SLC24A2: variants seen among roughly 807,000 people sequenced by gnomAD.
SLC24A2 encodes sodium/potassium/calcium exchanger 2.
SLC24A2 carries 36 observed loss-of-function variants against 62.0 expected under a neutral mutation model. The observed-to-expected ratio is 0.58, with a 90% CI of 0.44 to 0.77. SLC24A2 has a LOEUF of 0.77. SLC24A2 is among the 30% of genes least tolerant of loss of function. SLC24A2 has a pLI of 0.00. For synonymous variants in SLC24A2, 358 were observed against 294.0 expected (o/e 1.22, Z -2.23); for missense variants, 846 against 817.9 (o/e 1.03, Z -0.42).
chr9:19,997,656 C>T, the SLC24A2 span, among the ~76,000 whole-genome samples: 1 of 152,120 alleles, frequency 6.6e-6, no homozygotes, highest in Non-Finnish European at 1.5e-5. Flanking sequence ...AATGATTCCA[C>T]TCATGAAAAA....
At chr9:19,936,170 C>T in the SLC24A2 span, among the ~76,000 whole-genome samples, 1 of 152,176 alleles carries the variant, frequency 6.6e-6, no homozygotes, top group Middle Eastern at 3.4e-3. Context: ...GTATTACCAT[C>T]CTTTATATTT....
intron 2 of SLC24A2, among the ~76,000 whole-genome samples, chr9:19,777,231 T>G (rs1313229655): frequency 6.6e-6 from 1 of 152,084 alleles, no homozygotes; most frequent in Non-Finnish European, 1.5e-5. Context: ...AAAAGAAAAA[T>G]GTCATTCTTC....
At chr9:19,590,574 C>CGTAGA (rs1261155143) in intron 5 of SLC24A2, among the ~76,000 whole-genome samples, 10 of 152,176 alleles carry the variant, frequency 6.6e-5, no homozygotes, top group Non-Finnish European at 1.2e-4. Context: ...CCTGGTCTCC[C>CGTAGA]TCCATTCATT....
chr9:20,258,474 G>A, the SLC24A2 span, among the ~76,000 whole-genome samples: 2 of 152,102 alleles, frequency 1.3e-5, no homozygotes, highest in African/African-American at 2.4e-5. Context: ...AACAACTGGG[G>A]GTCTGGATGG....
the SLC24A2 span, among the ~76,000 whole-genome samples, chr9:20,057,472 C>T: frequency 6.6e-6 from 1 of 152,146 alleles, no homozygotes; most frequent in Non-Finnish European, 1.5e-5. Context: ...TGTGAGATGG[C>T]TGGTCAGAGT....
At chr9:19,940,986 T>C in the SLC24A2 span, among the ~76,000 whole-genome samples, 1 of 152,160 alleles carries the variant, frequency 6.6e-6, no homozygotes, top group Non-Finnish European at 1.5e-5. Context: ...TGTGTTCTGG[T>C]CAATAACGCA....
At chr9:19,931,075 A>G in the SLC24A2 span, among the ~76,000 whole-genome samples, 3 of 152,348 alleles carry the variant, frequency 2.0e-5, no homozygotes, top group Non-Finnish European at 4.4e-5. Context: ...ATAGAATGTT[A>G]CTTAAAAGGG....
intron 2 of SLC24A2, among the ~76,000 whole-genome samples, chr9:19,685,552 C>G (rs1238962668): frequency 6.6e-6 from 1 of 151,924 alleles, no homozygotes; most frequent in Non-Finnish European, 1.5e-5. Context: ...GGTACTGATA[C>G]AAAAACACAT....
intron 2 of SLC24A2, among the ~76,000 whole-genome samples, chr9:19,704,639 G>A (rs1241946246): frequency 6.6e-6 from 1 of 152,102 alleles, no homozygotes; most frequent in Non-Finnish European, 1.5e-5. Flanking sequence ...GGCTGAACTG[G>A]AAGAAAACAA....
the SLC24A2 span, among the ~76,000 whole-genome samples, chr9:19,908,567 A>C: frequency 6.6e-6 from 1 of 152,246 alleles, no homozygotes; most frequent in Non-Finnish European, 1.5e-5. Context: ...AATGAGAGAA[A>C]ATTTTTGCAA....
the SLC24A2 span, among the ~76,000 whole-genome samples, chr9:20,160,579 C>G: frequency 6.6e-6 from 1 of 151,114 alleles, no homozygotes; most frequent in African/African-American, 2.4e-5. Context: ...ATGAACAAAA[C>G]TGGTTAATTT....
At chr9:19,995,070 A>G in the SLC24A2 span, among the ~76,000 whole-genome samples, 1 of 113,714 alleles carries the variant, frequency 8.8e-6, no homozygotes, top group Non-Finnish European at 1.8e-5. Flanking sequence ...GGTAGTTAAT[A>G]TCTCAGGCCT....
At chr9:19,993,233 C>T in the SLC24A2 span, among the ~76,000 whole-genome samples, 6 of 152,158 alleles carry the variant, frequency 3.9e-5, no homozygotes, top group East Asian at 1.2e-3. Flanking sequence ...TATAATACTT[C>T]CAGCAGAATT....
chr9:20,046,597 C>T, the SLC24A2 span, among the ~76,000 whole-genome samples: 4 of 151,986 alleles, frequency 2.6e-5, no homozygotes, highest in African/African-American at 4.8e-5. Flanking sequence ...ACAATGTGTT[C>T]GGGGGGCAGT....
chr9:20,234,978 T>C, the SLC24A2 span, among the ~76,000 whole-genome samples: 12 of 152,226 alleles, frequency 7.9e-5, no homozygotes, highest in Non-Finnish European at 4.4e-5. Flanking sequence ...TGTTGGAGTT[T>C]GCCAGAGATC....
At chr9:20,063,658 AT>A in the SLC24A2 span, among the ~76,000 whole-genome samples, 1 of 152,296 alleles carries the variant, frequency 6.6e-6, no homozygotes, top group African/African-American at 2.4e-5. Flanking sequence ...AAAAATAAAA[AT>A]AAAAGACTTG....
the SLC24A2 span, among the ~76,000 whole-genome samples, chr9:20,157,180 A>G: frequency 6.6e-6 from 1 of 151,676 alleles, no homozygotes; most frequent in Admixed American, 6.6e-5. Flanking sequence ...TTGTTAAACC[A>G]TAGGAGTGTT....
At chr9:19,602,282 A>G (rs1359936129) in intron 4 of SLC24A2, among the ~76,000 whole-genome samples, 1 of 152,188 alleles carries the variant, frequency 6.6e-6, no homozygotes, top group Non-Finnish European at 1.5e-5. Context: ...TACATATAGA[A>G]CCCATCATTC....
intron 4 of SLC24A2, among the ~76,000 whole-genome samples, chr9:19,618,271 G>A (rs1405630942): frequency 6.6e-6 from 1 of 152,128 alleles, no homozygotes; most frequent in African/African-American, 2.4e-5. Context: ...TATATCCCAG[G>A]GGAAAGAAAA....
Sources: gnomAD v4.1 joint callset for allele counts (sites outside exome capture counted in the v4.1 genomes callset) on GRCh38, gnomAD v4.1.1 for gene constraint, MANE v1.5 for transcripts, NCBI Gene and HGNC (gene_info 2026-07-23, HGNC 2026-07-21) for gene names.